TRHDE: variants seen among roughly 807,000 people sequenced by gnomAD.
TRHDE encodes thyrotropin-releasing hormone-degrading ectoenzyme.
Under a neutral mutation model 125.7 loss-of-function variants are expected in TRHDE, and 72 were observed. That is an observed-to-expected ratio of 0.57 (90% CI 0.47 to 0.70). The LOEUF (loss-of-function observed/expected upper bound fraction) is 0.70, where lower values mean the gene tolerates loss of function less well. Among genes scored for constraint, TRHDE ranks in the 30% least tolerant of loss-of-function variants. The pLI, the probability that TRHDE is intolerant of heterozygous loss-of-function variation, is 0.00. For missense variants in TRHDE, 1,110 were observed against 1,327.1 expected (o/e 0.84, Z 2.54); for synonymous variants, 509 against 509.1 (o/e 1.00, Z 0.00).
chr12:72,155,890 C>T (rs1012740499), intron 2 of TRHDE, among the ~76,000 whole-genome samples: 4 of 152,174 alleles, frequency 2.6e-5, no homozygotes, highest in East Asian at 1.9e-4. Flanking sequence ...TCTCTAGCTG[C>T]GTGCTGGGAG....
At chr12:72,546,970 A>G (rs1869448103) in intron 7 of TRHDE, among the ~76,000 whole-genome samples, 1 of 151,712 alleles carries the variant, frequency 6.6e-6, no homozygotes, top group South Asian at 2.1e-4. Context: ...TTTGCAGAAC[A>G]TAAAGTTGAA....
chr12:72,470,046 C>T (rs1268611893), intron 4 of TRHDE, 134 bp downstream of exon 4: 1 of 827,338 alleles, frequency 1.2e-6, no homozygotes, highest in Admixed American at 3.1e-5. Flanking sequence ...GTAGTTCTTT[C>T]TGGAAGATAT....
chr12:72,203,912 G>A (rs1375445364), intron 2 of TRHDE, among the ~76,000 whole-genome samples: 1 of 152,052 alleles, frequency 6.6e-6, no homozygotes, highest in Non-Finnish European at 1.5e-5. Context: ...CTCTCCCTTT[G>A]ACCCATCCCC....
chr12:72,228,990 A>G (rs1279181173), intron 2 of TRHDE, among the ~76,000 whole-genome samples: 2 of 152,162 alleles, frequency 1.3e-5, no homozygotes, highest in African/African-American at 4.8e-5. Context: ...ACCATTCAAC[A>G]AGTCTCTAGG....
intron 2 of TRHDE, among the ~76,000 whole-genome samples, chr12:72,187,094 A>G (rs763816099): frequency 3.3e-5 from 5 of 152,184 alleles, no homozygotes; most frequent in African/African-American, 4.8e-5. Flanking sequence ...TTTGACATTC[A>G]GTACAAGAAG....
chr12:72,634,346 CA>C (rs1225069433), intron 15 of TRHDE, among the ~76,000 whole-genome samples: 4 of 151,254 alleles, frequency 2.6e-5, no homozygotes, highest in Non-Finnish European at 4.4e-5. Context: ...TTTGCTATTT[CA>C]AAGTCATGAA....
chr12:72,233,333 G>A (rs1025861510), intron 2 of TRHDE, among the ~76,000 whole-genome samples: 1 of 152,102 alleles, frequency 6.6e-6, no homozygotes, highest in Non-Finnish European at 1.5e-5. Context: ...AGGCAACTCT[G>A]CCCTTATTCT....
intron 2 of TRHDE, among the ~76,000 whole-genome samples, chr12:72,347,737 C>T (rs1384063115): frequency 2.6e-5 from 4 of 152,046 alleles, no homozygotes; most frequent in African/African-American, 9.7e-5. Context: ...CCTCAAAACT[C>T]AAACTCACAA....
Position 72,342,584 on chromosome 12 carries a change from G to A in TRHDE, c.1189-35411G>A, listed in dbSNP as rs141748183. Among the ~76,000 whole-genome samples, 23 of 152,018 alleles carry A rather than the reference G, an allele frequency of 1.5e-4. No individual in the cohort carries two copies. The East Asian group carries it at 4.3e-3, about 28-fold the overall frequency. Reference sequence around the variant, plus strand: ...CTTTTTTATTTTCATTAACTAGTGAGGTAAGCAATGAATAAAGAGAAAAAC... The same window carrying A: ...CTTTTTTATTTTCATTAACTAGTGAAGTAAGCAATGAATAAAGAGAAAAAC... On this transcript the variant is annotated intron_variant, in intron 2 of 18. Transcript: ENST00000261180.
rs373687560 is a variant in TRHDE, at chr12:72,663,132, G to A, written c.3147G>A (p.Val1049=). 98 of 1,613,094 alleles carry A rather than the reference G, an allele frequency of 6.1e-5. No individual in the cohort carries two copies. The East Asian group carries it at 1.4e-3, about 22-fold the overall frequency. Residue 1049 remains valine (V), a synonymous_variant, in exon 19 of 19, where the codon GTG becomes GTA. Coordinates refer to ENST00000261180, the MANE Select transcript of TRHDE (RefSeq NM_013381.3). ...CTGTGGAAACTGTCGAAGCCAATGT[G>A]CGCTGGAAAATGCTTTACCAAGACG... The part of the protein sequence containing the change: ...SRAVETVEAN[V]RWKMLYQDEL...
chr12:72,175,957 C>T (rs1305573941), intron 2 of TRHDE, among the ~76,000 whole-genome samples: 1 of 152,120 alleles, frequency 6.6e-6, no homozygotes, highest in Non-Finnish European at 1.5e-5. Flanking sequence ...GGGTTTATGC[C>T]TATGAAAGGA....
At chr12:72,432,513 G>T (rs541338010) in intron 3 of TRHDE, among the ~76,000 whole-genome samples, 40 of 152,164 alleles carry the variant, frequency 2.6e-4, no homozygotes, top group Non-Finnish European at 5.1e-4. Context: ...TTATAGGACA[G>T]CTGCCTTCAG....
intron 12 of TRHDE, among the ~76,000 whole-genome samples, chr12:72,600,246 G>T (rs1227850405): frequency 1.3e-5 from 2 of 151,770 alleles, no homozygotes; most frequent in East Asian, 3.9e-4. Flanking sequence ...GCTCCTTTTT[G>T]GTTTTATATG....
exon 1 of TRHDE, chr12:72,087,332 T>C (rs1197172364): frequency 6.6e-6 from 1 of 152,126 alleles, no homozygotes; most frequent in Non-Finnish European, 1.5e-5. Context: ...GCTTACCTTA[T>C]CACATTAGAG....
intron 2 of TRHDE, chr12:72,105,888 A>G (rs969098925): frequency 1.3e-5 from 2 of 152,214 alleles, no homozygotes; most frequent in African/African-American, 4.8e-5. Context: ...TCTTTATTTT[A>G]TTTTTGAAAC....
rs1446470480 is a variant in TRHDE, at chr12:72,272,598, C to T, written c.-46C>T. 3.7e-6 allele frequency: 3 copies of T among 804,112 alleles called. No homozygotes were observed. The highest frequency in any genetic ancestry group is 3.1e-5 in the Admixed American group (1 of 32,438). 49.8% of individuals were successfully genotyped at this position (804,112 alleles called of 1,614,324 possible). Reference sequence around the variant, plus strand: ...CTGGCTGTGGCCCGGGTGGCCCGCCCGCGGGGGGTGCCAGAGGGGGCGGGG... The same window carrying T: ...CTGGCTGTGGCCCGGGTGGCCCGCCTGCGGGGGGTGCCAGAGGGGGCGGGG... On this transcript the variant is annotated 5_prime_UTR_variant, in exon 1 of 19. Transcript: ENST00000261180. The surrounding 1 kb of genome is among the most constrained non-coding windows in gnomAD (Gnocchi z 6.7).
At chr12:72,243,769 C>G (rs1281821672) in intron 2 of TRHDE, among the ~76,000 whole-genome samples, 1 of 152,180 alleles carries the variant, frequency 6.6e-6, no homozygotes, top group Admixed American at 6.5e-5. Context: ...GATTTATCTT[C>G]ACTTTTAAAG....
chr12:72,169,235 G>C (rs1342850996), intron 2 of TRHDE, among the ~76,000 whole-genome samples: 1 of 151,890 alleles, frequency 6.6e-6, no homozygotes, highest in Non-Finnish European at 1.5e-5. Context: ...GAATAATATG[G>C]GAAGCTGCTA....
At chr12:72,460,430 G>A (rs1418300749) in intron 3 of TRHDE, among the ~76,000 whole-genome samples, 1 of 151,850 alleles carries the variant, frequency 6.6e-6, no homozygotes, top group African/African-American at 2.4e-5. Context: ...TCTATAATAT[G>A]TATGCTTTTT....
Sources: gnomAD v4.1 joint callset for allele counts (sites outside exome capture counted in the v4.1 genomes callset) on GRCh38, gnomAD v4.1.1 for gene constraint, Gnocchi (gnomAD v3.1) non-coding constraint, MANE v1.5 for transcripts, NCBI Gene and HGNC (gene_info 2026-07-23, HGNC 2026-07-21) for gene names.